ASAP2: variants seen among roughly 807,000 people sequenced by gnomAD.
The protein encoded by ASAP2 is arf-GAP with SH3 domain, ANK repeat and PH domain-containing protein 2.
A neutral mutation model predicts 131.4 loss-of-function variants in ASAP2; 45 were observed. That is an observed-to-expected ratio of 0.34 (90% CI 0.27 to 0.44). The LOEUF is 0.44. ASAP2 is among the 20% of genes least tolerant of loss of function. The pLI, the probability that ASAP2 is intolerant of heterozygous loss-of-function variation, is 1.00. For synonymous variants in ASAP2, 510 were observed against 503.0 expected (o/e 1.01, Z -0.19); for missense variants, 1,011 against 1,297.0 (o/e 0.78, Z 3.39).
At chr2:9,292,399 T>A (rs1248040849) in intron 2 of ASAP2, among the ~76,000 whole-genome samples, 1 of 152,104 alleles carries the variant, frequency 6.6e-6, no homozygotes, top group Non-Finnish European at 1.5e-5. Context: ...GCGCCTGTAG[T>A]CTCAGCTACT....
chr2:9,329,457 C>T (rs148478884), intron 7 of ASAP2, among the ~76,000 whole-genome samples: 22 of 152,182 alleles, frequency 1.4e-4, no homozygotes, highest in Admixed American at 5.2e-4. Flanking sequence ...GTAGGAAACA[C>T]GAGCCAATAT....
chr2:9,332,548 C>T (rs191068305), intron 7 of ASAP2, among the ~76,000 whole-genome samples: 1 of 152,340 alleles, frequency 6.6e-6, no homozygotes, highest in African/African-American at 2.4e-5. Context: ...AAACAGCATC[C>T]TGACGAGAAG....
intron 1 of ASAP2, among the ~76,000 whole-genome samples, chr2:9,258,045 A>G (rs1038183516): frequency 6.6e-6 from 1 of 151,944 alleles, no homozygotes. Flanking sequence ...TATTACTGCT[A>G]CCCCCACAAC....
At chr2:9,350,980 T>G in intron 12 of ASAP2, 85 bp downstream of exon 12, 1 of 1,031,312 alleles carries the variant, frequency 9.7e-7, no homozygotes, top group South Asian at 2.1e-5. Flanking sequence ...AAACACTGCA[T>G]TCGGAAGAAT....
intron 15 of ASAP2, among the ~76,000 whole-genome samples, chr2:9,361,793 G>A (rs1442736270): frequency 1.3e-5 from 2 of 152,098 alleles, no homozygotes; most frequent in Non-Finnish European, 2.9e-5. Context: ...TCGAACTCCT[G>A]GACCCAAGTG....
chr2:9,276,641 G>A (rs769353971), intron 1 of ASAP2, among the ~76,000 whole-genome samples: 2 of 151,894 alleles, frequency 1.3e-5, no homozygotes, highest in East Asian at 1.9e-4. Flanking sequence ...AGGTTCAAGC[G>A]ATTCTTTTGC....
chr2:9,260,851 A>G (rs1196126739), intron 1 of ASAP2, among the ~76,000 whole-genome samples: 1 of 152,194 alleles, frequency 6.6e-6, no homozygotes, highest in Non-Finnish European at 1.5e-5. Context: ...ACCTGGACAC[A>G]TGCAAATGAT....
chr2:9,253,735 CTTTA>C (rs1664892299), intron 1 of ASAP2, among the ~76,000 whole-genome samples: 1 of 152,248 alleles, frequency 6.6e-6, no homozygotes, highest in South Asian at 2.1e-4. Flanking sequence ...TTACATGTAT[CTTTA>C]GACCACTCCT....
At chr2:9,345,166 C>T (rs937646267) in intron 11 of ASAP2, among the ~76,000 whole-genome samples, 1 of 152,074 alleles carries the variant, frequency 6.6e-6, no homozygotes, top group Admixed American at 6.5e-5. Flanking sequence ...TCCCCCAGCT[C>T]TCTTTGTCTC....
chr2:9,306,444 G>T (rs1668947080), intron 3 of ASAP2, among the ~76,000 whole-genome samples: 1 of 151,874 alleles, frequency 6.6e-6, no homozygotes. Context: ...GCTGCTGCAG[G>T]TGGAGGCATA....
rs578195044 is a variant in ASAP2 at position 9,207,690 on chromosome 2, C to T, written c.126+460C>T. Among the ~76,000 whole-genome samples the T allele has an allele frequency of 1.3e-5, 2 of 152,132 alleles. No individual in the cohort carries two copies. Among genetic ancestry groups the T allele is most frequent in the East Asian group, 1.9e-4 (1 of 5,134 alleles). On this transcript the variant is annotated intron_variant, in intron 1 of 27. Coordinates refer to ENST00000281419, the MANE Select transcript of ASAP2 (RefSeq NM_003887.3). The surrounding 1 kb of genome is among the most constrained non-coding windows in gnomAD (Gnocchi z 4.1). The stretch of plus-strand genomic sequence containing the variant: ...CCGAGCGCCGCAGGGCCCCCACCCT[C>T]GGGTCCGCGGGTCCGGGGCATCCCG...
Position 9,385,335 on chromosome 2 carries a change from G to A in ASAP2, c.2107G>A (p.Asp703Asn). 1 of 1,613,978 alleles carries A rather than the reference G, an allele frequency of 6.2e-7. No individual in the cohort carries two copies. Among genetic ancestry groups the A allele is most frequent in the African/African-American group, 1.3e-5 (1 of 75,052 alleles). ...CCACGAAGACCTGGATGAAAGTGAT[G>A]ACGACATGGATGAGAAATTGCAGGT... ...LLHEDLDESD[D>N]DMDEKLQPSP... The change falls in exon 21 of 28, where the codon GAC (aspartate) becomes AAC (asparagine). Residue 703 changes from aspartate to asparagine, a missense_variant. This residue lies in a region of ASAP2 where 652 missense variants were observed against 698.9 expected (regional missense o/e 0.93). Coordinates refer to ENST00000281419, the MANE Select transcript of ASAP2 (RefSeq NM_003887.3).
At chr2:9,314,727 A>G (rs1347472497) in intron 3 of ASAP2, among the ~76,000 whole-genome samples, 1 of 152,026 alleles carries the variant, frequency 6.6e-6, no homozygotes, top group African/African-American at 2.4e-5. Flanking sequence ...TGAGGTCAGG[A>G]GTTTGAGACC....
intron 7 of ASAP2, among the ~76,000 whole-genome samples, chr2:9,329,448 T>C (rs1572467069): frequency 6.6e-6 from 1 of 151,982 alleles, no homozygotes; most frequent in Middle Eastern, 3.4e-3. Flanking sequence ...GGGAGGCAAG[T>C]AGGAAACACG....
At chr2:9,295,740 G>A (rs966190025) in intron 2 of ASAP2, among the ~76,000 whole-genome samples, 13 of 152,158 alleles carry the variant, frequency 8.5e-5, no homozygotes, top group Admixed American at 2.0e-4. Flanking sequence ...AGAACTCTCA[G>A]GCTCTTTACT....
intron 1 of ASAP2, among the ~76,000 whole-genome samples, chr2:9,228,256 A>G (rs1037951277): frequency 2.6e-5 from 4 of 152,208 alleles, no homozygotes; most frequent in Non-Finnish European, 5.9e-5. Flanking sequence ...AGAGAATCAT[A>G]TCTTCCTTCA....
At chr2:9,333,996 C>G (rs1257985145) in intron 7 of ASAP2, among the ~76,000 whole-genome samples, 10 of 139,722 alleles carry the variant, frequency 7.2e-5, no homozygotes, top group African/African-American at 2.7e-4. Context: ...TTGGTTGGTT[C>G]TTTTCTGCAT....
chr2:9,368,583 A>C, intron 16 of ASAP2, 64 bp downstream of exon 16: 1 of 1,419,326 alleles, frequency 7.0e-7, no homozygotes, highest in Non-Finnish European at 9.9e-7. Context: ...GAGCCCCGGG[A>C]GGCAGGGGAA....
chr2:9,401,989 C>T (rs1169149451), intron 27 of ASAP2, among the ~76,000 whole-genome samples: 1 of 152,194 alleles, frequency 6.6e-6, no homozygotes, highest in Admixed American at 6.5e-5. Context: ...GCGGCAGCTG[C>T]AGACAGTGAG....
Sources: allele counts gnomAD v4.1 joint callset (sites outside exome capture counted in the v4.1 genomes callset), GRCh38; gene constraint gnomAD v4.1.1; regional missense constraint gnomAD v4.1.1; non-coding constraint Gnocchi (gnomAD v3.1); transcripts MANE v1.5; gene names NCBI Gene and HGNC (gene_info 2026-07-23, HGNC 2026-07-21).